Variants in LAMB1 observed in about 807,000 individuals in gnomAD.
LAMB1 encodes laminin subunit beta 1.
Under a neutral mutation model 222.3 loss-of-function variants are expected in LAMB1, and 121 were observed. The observed-to-expected ratio is 0.54, with a 90% confidence interval of 0.47 to 0.63. The LOEUF (loss-of-function observed/expected upper bound fraction) is 0.63. Among genes scored for constraint, LAMB1 ranks in the 30% least tolerant of loss-of-function variants. The pLI is 0.00. For missense variants in LAMB1, 2,172 were observed against 2,240.8 expected (o/e 0.97, Z 0.62); for synonymous variants, 794 against 807.2 (o/e 0.98, Z 0.28).
In LAMB1 at chr7:107,957,400, AAAC is replaced by A. The variant is rs543524347; in HGVS notation, c.2691-1773_2691-1771del. On this transcript the variant is annotated intron_variant, in intron 20 of 33. Transcript: ENST00000222399. ...AATGAGACTCCATCTCAAAACAAAC[AAAC>A]AACAACAACAACAAAAAGCCTGTAA... is the stretch of plus-strand genomic sequence containing the variant. Among the ~76,000 whole-genome samples, 558 of 151,964 alleles carry A rather than the reference AAAC, an allele frequency of 3.7e-3. 5 individuals carry two copies. Among genetic ancestry groups the A allele is most frequent in the African/African-American group, 0.013 (526 of 41,436 alleles).
chr7:107,955,427 T>C, intron 21 of LAMB1, 40 bp downstream of exon 21: 1 of 1,560,240 alleles, frequency 6.4e-7, no homozygotes, highest in Non-Finnish European at 8.7e-7. Flanking sequence ...AAGACATCTT[T>C]TTCTCTCTCT....
intron 26 of LAMB1, among the ~76,000 whole-genome samples, chr7:107,936,540 G>A (rs1054969761): frequency 6.6e-6 from 1 of 152,100 alleles, no homozygotes; most frequent in Admixed American, 6.5e-5. Context: ...AAGGGATGAC[G>A]GTATTATATA....
chr7:107,980,703 A>G lies in LAMB1; in HGVS notation c.785T>C (p.Val262Ala), dbSNP rs775247287. ...MEIREKYYYA[V>A]YDMVVRGNCF... ...ATTTCCTCGAACCACCATATCATAA[A>G]CTGCATAATAATACTTTTCTCTGAT... Residue 262 changes from valine (V) to alanine (A), a missense_variant, in exon 8 of 34, where the codon GTT becomes GCT. Physicochemically the swap from Val to Ala is moderately conservative, Grantham distance 64 (BLOSUM62 0). Coordinates refer to ENST00000222399, the MANE Select transcript of LAMB1 (RefSeq NM_002291.3). 6.2e-7 allele frequency: 1 copy of G among 1,613,888 alleles called. No individual in the cohort carries two copies. The highest frequency in any genetic ancestry group is 1.7e-5 in the Admixed American group (1 of 60,012).
At position 107,961,253 on chromosome 7, in the gene LAMB1, T is replaced by G. The variant is rs200757852; in HGVS notation, c.2062A>C (p.Thr688Pro). ...CTCTCCACGTCGCTATCAGAGGAGG[T>G]GTACTGAGGCAGCTCCAACCTCACC... is the stretch of plus-strand genomic sequence containing the variant. ...YTVRLELPQY[T>P]SSDSDVESPY... is the part of the protein sequence containing the mutation. Residue 688 changes from threonine (T) to proline (P), a missense_variant, in exon 17 of 34, where the codon ACC becomes CCC. Thr to Pro is a conservative substitution (Grantham distance 38). Coordinates refer to ENST00000222399, the MANE Select transcript of LAMB1 (RefSeq NM_002291.3). 1 of 1,613,866 alleles carries G rather than the reference T, an allele frequency of 6.2e-7. No individual in the cohort carries two copies. Among genetic ancestry groups the G allele is most frequent in the African/African-American group, 1.3e-5 (1 of 74,912 alleles).
At chr7:107,989,331 AG>A (rs1483993567) in intron 5 of LAMB1, among the ~76,000 whole-genome samples, 1 of 152,244 alleles carries the variant, frequency 6.6e-6, no homozygotes, top group African/African-American at 2.4e-5. Flanking sequence ...CAGCTGACCT[AG>A]AAAACAGAAC....
intron 29 of LAMB1, 77 bp from the exon 30 acceptor site, chr7:107,929,696 C>G: frequency 9.0e-7 from 1 of 1,113,682 alleles, no homozygotes; most frequent in Non-Finnish European, 1.3e-6. Context: ...TACTGGTCAT[C>G]TACTATGGAC....
Position 107,961,295 on chromosome 7 carries a change from T to C in LAMB1, c.2020A>G (p.Lys674Glu), listed in dbSNP as rs752630301. ...AACCTCACCGTGTAGTTTGTTCCCT[T>C]CTCAAAGCACACCGGCCGAGGAAGG... is the stretch of plus-strand genomic sequence containing the variant. The part of the protein sequence containing the change: ...VVLPRPVCFE[K>E]GTNYTVRLEL... The change falls in exon 17 of 34, where the codon AAG becomes GAG. Residue 674 changes from lysine (K) to glutamate (E), a missense_variant. Transcript: ENST00000222399. 2 of 1,613,816 alleles carry C rather than the reference T, an allele frequency of 1.2e-6. No homozygotes were observed. The highest frequency in any genetic ancestry group is 2.7e-5 in the African/African-American group (2 of 74,830).
intron 8 of LAMB1, among the ~76,000 whole-genome samples, chr7:107,980,099 T>C (rs1246191121): frequency 6.6e-6 from 1 of 152,008 alleles, no homozygotes; most frequent in Non-Finnish European, 1.5e-5. Flanking sequence ...TCCCAGGTAT[T>C]TGGGAGGCTG....
chr7:107,956,288 TTA>T (rs573247361), intron 20 of LAMB1, among the ~76,000 whole-genome samples: 26 of 152,314 alleles, frequency 1.7e-4, no homozygotes, highest in African/African-American at 6.3e-4. Context: ...CCACCTCTCT[TTA>T]TGTTTTCATG....
chr7:107,937,017 CA>C lies in LAMB1; in HGVS notation c.3946+75del. 5.7e-6 allele frequency: 7 copies of C among 1,219,502 alleles called. No homozygotes were observed. The South Asian group carries it at 8.3e-5, about 14-fold the overall frequency. The allele number at this position is 1,219,502 out of a possible 1,614,324, so 75.5% of individuals were successfully genotyped here. ...TTATTAGAAAACTTTTTTTTTTCCC[CA>C]AAAGTGCTATATTAAAACGTTAGAC... On this transcript the variant is annotated intron_variant, in intron 26 of 33. Transcript: ENST00000222399.
chr7:107,948,518 C>T (rs1442740885), intron 24 of LAMB1, among the ~76,000 whole-genome samples: 1 of 152,184 alleles, frequency 6.6e-6, no homozygotes, highest in Non-Finnish European at 1.5e-5. Context: ...CTTGGAGCTT[C>T]CAATGCTTCC....
At chr7:108,001,341 C>G (rs1338019899) in intron 3 of LAMB1, among the ~76,000 whole-genome samples, 3 of 152,266 alleles carry the variant, frequency 2.0e-5, no homozygotes, top group South Asian at 2.1e-4. Flanking sequence ...TCCTGCCTTT[C>G]CATACTCACC....
chr7:107,944,330 A>T (rs992330997), intron 24 of LAMB1, among the ~76,000 whole-genome samples: 2 of 152,202 alleles, frequency 1.3e-5, no homozygotes, highest in East Asian at 3.8e-4. Flanking sequence ...TAAAAGGCAG[A>T]TAAGGCTTCC....
Position 107,959,841 on chromosome 7 carries a change from G to A in LAMB1, c.2315-7C>T, listed in dbSNP as rs772445385. On this transcript the variant is annotated splice_polypyrimidine_tract_variant and splice_region_variant and intron_variant, in intron 18 of 33. Transcript: ENST00000222399. ...TGAGGGTCGCATTCACAAGCTGTGG[G>A]TAAAGAGAGGCCAGAACCCATGACA... The A allele has an allele frequency of 6.8e-6, 11 of 1,611,134 alleles. No individual in the cohort carries two copies. Among genetic ancestry groups the A allele is most frequent in the Non-Finnish European group, 9.3e-6 (11 of 1,178,484 alleles).
Position 107,937,059 on chromosome 7 carries a change from T to C in LAMB1, c.3946+34A>G, listed in dbSNP as rs759965293. 7.7e-6 allele frequency: 12 copies of C among 1,550,394 alleles called. No homozygotes were observed. The Admixed American group carries it at 1.2e-4, about 16-fold the overall frequency. Reference sequence around the variant, plus strand: ...AACGTTAGACATATCGTTAAATCCATTGTCTGGGACTATTTGCACCAAAAA... The same window carrying C: ...AACGTTAGACATATCGTTAAATCCACTGTCTGGGACTATTTGCACCAAAAA... On this transcript the variant is annotated intron_variant, in intron 26 of 33. Coordinates refer to ENST00000222399, the MANE Select transcript of LAMB1 (RefSeq NM_002291.3).
At chr7:107,989,684 ACCATGGCAAACTCCCCGTGAGAG>A in intron 5 of LAMB1, among the ~76,000 whole-genome samples, 1 of 152,336 alleles carries the variant, frequency 6.6e-6, no homozygotes, top group East Asian at 1.9e-4. Context: ...TGTGCCACGT[ACCATGGCAAACTCCCCGTGAGAG>A]CCTGGCTGGG....
At position 107,975,859 on chromosome 7, in the gene LAMB1, T is replaced by C; in HGVS notation, c.1019A>G (p.His340Arg). Residue 340 changes from histidine (H) to arginine (R), a missense_variant, in exon 10 of 34, where the codon CAT becomes CGT. His to Arg is a conservative substitution (Grantham distance 29). Transcript: ENST00000222399. ...NACKKCNCNE[H>R]SISCHFDMAV... ...CATGTCAAAGTGACAAGAGATGGAATGTTCATTGCAGTTACATTCTGCGTG... is the reference window on the plus strand; with the variant it reads ...CATGTCAAAGTGACAAGAGATGGAACGTTCATTGCAGTTACATTCTGCGTG... The C allele has an allele frequency of 1.2e-6, 2 of 1,613,986 alleles. No homozygotes were observed. Among genetic ancestry groups the C allele is most frequent in the Admixed American group, 3.3e-5 (2 of 59,990 alleles).
chr7:107,991,090 A>T lies in LAMB1; in HGVS notation c.423+3797T>A, dbSNP rs184607290. On this transcript the variant is annotated intron_variant, in intron 5 of 33. Transcript: ENST00000222399. Reference sequence around the variant, plus strand: ...TTTTTTTTTGGTATTAATTTTTTTTAAAAGATTCAGAAATCTGGATCTTTA... The same window carrying T: ...TTTTTTTTTGGTATTAATTTTTTTTTAAAGATTCAGAAATCTGGATCTTTA... Among the ~76,000 whole-genome samples, 192 of 152,178 alleles carry T rather than the reference A, an allele frequency of 1.3e-3. 1 individual carries two copies. The highest frequency in any genetic ancestry group is 4.4e-3 in the African/African-American group (183 of 41,512).
chr7:107,961,710 AG>A, intron 15 of LAMB1, 34 bp from the exon 16 acceptor site: 1 of 1,598,880 alleles, frequency 6.3e-7, no homozygotes. Context: ...AAAGATAGTT[AG>A]CCCACCACTG....
Sources: gnomAD v4.1 joint callset for allele counts (sites outside exome capture counted in the v4.1 genomes callset) on GRCh38, gnomAD v4.1.1 for gene constraint, MANE v1.5 for transcripts, NCBI Gene and HGNC (gene_info 2026-07-23, HGNC 2026-07-21) for gene names.